The following NEDD4L variants were observed in gnomAD, a reference collection of about 807,000 sequenced individuals.
The protein encoded by NEDD4L is NEDD4 like E3 ubiquitin protein ligase.
Under a neutral mutation model 148.9 loss-of-function variants are expected in NEDD4L, and 54 were observed. The observed-to-expected ratio is 0.36, with a 90% CI of 0.29 to 0.45. The LOEUF (loss-of-function observed/expected upper bound fraction) is 0.45, where lower values mean the gene tolerates loss of function less well. Ranked by LOEUF, NEDD4L falls within the 20% of genes least tolerant of loss-of-function variation. The pLI, the probability that NEDD4L is intolerant of heterozygous loss-of-function variation, is 1.00. For missense variants in NEDD4L, 856 were observed against 1,233.8 expected (o/e 0.69, Z 4.59); for synonymous variants, 433 against 440.7 (o/e 0.98, Z 0.22).
chr18:58,322,289 G>T (rs1287980039), intron 6 of NEDD4L, 136 bp from the exon 7 acceptor site: 1 of 692,176 alleles, frequency 1.4e-6, no homozygotes, highest in African/African-American at 1.8e-5. Flanking sequence ...GGACTGTCAG[G>T]TACCAAGTGA....
chr18:58,250,248 C>T (rs1214893596), intron 4 of NEDD4L, among the ~76,000 whole-genome samples: 1 of 152,042 alleles, frequency 6.6e-6, no homozygotes, highest in Non-Finnish European at 1.5e-5. Context: ...CTCCCAGGTT[C>T]AAGTGATTCT....
At chr18:58,208,108 T>G (rs1429726927) in intron 2 of NEDD4L, among the ~76,000 whole-genome samples, 1 of 152,192 alleles carries the variant, frequency 6.6e-6, no homozygotes, top group African/African-American at 2.4e-5. Context: ...ATTAAATGGT[T>G]CCTACTACCA....
chr18:58,241,680 A>T (rs567494535), intron 2 of NEDD4L, among the ~76,000 whole-genome samples: 36 of 152,022 alleles, frequency 2.4e-4, no homozygotes, highest in African/African-American at 8.5e-4. Flanking sequence ...TGTCACAATC[A>T]TGTTTTCATT....
intron 12 of NEDD4L, among the ~76,000 whole-genome samples, chr18:58,334,373 T>C (rs1390249304): frequency 2.0e-5 from 3 of 152,206 alleles, no homozygotes; most frequent in Admixed American, 6.5e-5. Context: ...CACCAGGAAT[T>C]GGCTATAATT....
intron 2 of NEDD4L, among the ~76,000 whole-genome samples, chr18:58,236,511 G>A (rs950157219): frequency 6.6e-6 from 1 of 152,152 alleles, no homozygotes; most frequent in Non-Finnish European, 1.5e-5. Flanking sequence ...ATCTTGTCTT[G>A]GAATTTTTTT....
chr18:58,158,613 T>C lies in NEDD4L; in HGVS notation c.49-7175T>C, dbSNP rs1309695040. ...GGTTGCACAGAATCCCACAGTCTTTTCAGAAACTCATATCCTTAGGGTGTC... is the reference window on the plus strand; with the variant it reads ...GGTTGCACAGAATCCCACAGTCTTTCCAGAAACTCATATCCTTAGGGTGTC... On this transcript the variant is annotated intron_variant, in intron 1 of 30. Transcript: ENST00000400345. Among the ~76,000 whole-genome samples the C allele has an allele frequency of 2.6e-5, 4 of 152,188 alleles. No individual in the cohort carries two copies. In the East Asian group the frequency reaches 7.7e-4, roughly 29 times the overall value.
chr18:58,274,108 G>A (rs1019296999), intron 5 of NEDD4L, among the ~76,000 whole-genome samples: 2 of 151,244 alleles, frequency 1.3e-5, no homozygotes, highest in African/African-American at 4.9e-5. Context: ...CCTGAAGTGA[G>A]CCACGTAGAG....
In NEDD4L at chr18:58,357,125, A is replaced by G. The variant is rs1277464952; in HGVS notation, c.1709-69A>G. 4.2e-6 allele frequency: 6 copies of G among 1,412,116 alleles called. No individual in the cohort carries two copies. The East Asian group carries it at 1.5e-4, about 35-fold the overall frequency. The allele number at this position is 1,412,116 out of a possible 1,614,324, so 87.5% of individuals were successfully genotyped here. A position where few individuals can be genotyped will look rare whatever the true frequency, so the allele number is the denominator to read the frequency against. On this transcript the variant is annotated intron_variant, in intron 18 of 30. Transcript: ENST00000400345. The stretch of plus-strand genomic sequence containing the variant: ...AGAATCCAGAAATACTTCCTTCCAA[A>G]ACTTTCTTTACATAGAATAGATTTG...
intron 23 of NEDD4L, 58 bp from the exon 24 acceptor site, chr18:58,373,116 A>G: frequency 1.1e-6 from 1 of 889,186 alleles, no homozygotes; most frequent in Non-Finnish European, 1.8e-6. Context: ...AAAGAAGTCA[A>G]ATGAGTTTGT....
chr18:58,327,299 C>T (rs1235516366), intron 9 of NEDD4L, among the ~76,000 whole-genome samples: 1 of 152,184 alleles, frequency 6.6e-6, no homozygotes, highest in Non-Finnish European at 1.5e-5. Flanking sequence ...GTTTCACTGG[C>T]TTGGTCAAGC....
At chr18:58,175,906 G>A (rs190759523) in intron 2 of NEDD4L, among the ~76,000 whole-genome samples, 97 of 152,276 alleles carry the variant, frequency 6.4e-4, no homozygotes, top group African/African-American at 2.2e-3. Flanking sequence ...CCACCCAGCC[G>A]ACCAGGTTTC....
intron 5 of NEDD4L, among the ~76,000 whole-genome samples, chr18:58,285,200 A>G (rs919550284): frequency 2.6e-5 from 4 of 152,176 alleles, no homozygotes; most frequent in Non-Finnish European, 4.4e-5. Flanking sequence ...GTGTGTGCGC[A>G]GAACCCACAT....
At chr18:58,268,250 G>A (rs2148769792) in intron 5 of NEDD4L, among the ~76,000 whole-genome samples, 1 of 152,108 alleles carries the variant, frequency 6.6e-6, no homozygotes, top group African/African-American at 2.4e-5. Flanking sequence ...GAGAAGAGGA[G>A]GCCTGGCTAG....
chr18:58,072,894 A>G (rs908649536), intron 1 of NEDD4L, among the ~76,000 whole-genome samples: 1 of 149,334 alleles, frequency 6.7e-6, no homozygotes, highest in Non-Finnish European at 1.5e-5. Flanking sequence ...ACACACACAC[A>G]CACACACACA....
intron 2 of NEDD4L, among the ~76,000 whole-genome samples, chr18:58,222,919 A>G (rs2043926645): frequency 6.6e-6 from 1 of 152,254 alleles, no homozygotes; most frequent in Non-Finnish European, 1.5e-5. Context: ...AAGGAAGCAA[A>G]TAACTCTATA....
rs563042826 is a variant in NEDD4L at position 58,177,316 on chromosome 18, G to T, written c.122+11455G>T. Among the ~76,000 whole-genome samples the T allele has an allele frequency of 1.4e-3, 206 of 152,246 alleles. 1 individual carries two copies. The highest frequency in any genetic ancestry group is 4.6e-3 in the African/African-American group (192 of 41,538). ...GAAGCTCAAGTATGAGGAAGGGAAG[G>T]TTGCCAACTTGAGATGAGTCAGAAA... On this transcript the variant is annotated intron_variant, in intron 2 of 30. Coordinates refer to ENST00000400345, the MANE Select transcript of NEDD4L (RefSeq NM_001144967.3).
In NEDD4L at chr18:58,400,964, A is replaced by G. The variant is rs1199163501; in HGVS notation, c.*4695A>G. 2.0e-5 allele frequency: 3 copies of G among 152,248 alleles called. No homozygotes were observed. Among genetic ancestry groups the G allele is most frequent in the Non-Finnish European group, 1.5e-5 (1 of 68,024 alleles). The allele number at this position is 152,248 out of a possible 1,614,324, so 9.4% of individuals were successfully genotyped here. A position where few individuals can be genotyped will look rare whatever the true frequency, so the allele number is the denominator to read the frequency against. On this transcript the variant is annotated 3_prime_UTR_variant, in exon 31 of 31. Coordinates refer to ENST00000400345, the MANE Select transcript of NEDD4L (RefSeq NM_001144967.3). ...GTATATATTTGTATAGCATTTTTAC[A>G]CCTTTATTGAGTAATCTGGTTTCGA... is the stretch of plus-strand genomic sequence containing the variant.
chr18:58,116,592 C>T (rs1250651697), intron 1 of NEDD4L, among the ~76,000 whole-genome samples: 1 of 152,196 alleles, frequency 6.6e-6, no homozygotes, highest in Non-Finnish European at 1.5e-5. Context: ...GCTCAAGGGA[C>T]TCAAGGGGGT....
chr18:58,195,610 C>G lies in NEDD4L; in HGVS notation c.122+29749C>G, dbSNP rs764780224. On this transcript the variant is annotated intron_variant, in intron 2 of 30. Coordinates refer to ENST00000400345, the MANE Select transcript of NEDD4L (RefSeq NM_001144967.3). Reference sequence around the variant, plus strand: ...AGGCTGTTGGTTACCTGGCCGGGAGCTGGCGGAGACCAGGATTTCTCCTCG... The same window carrying G: ...AGGCTGTTGGTTACCTGGCCGGGAGGTGGCGGAGACCAGGATTTCTCCTCG... The G allele has an allele frequency of 1.2e-5, 16 of 1,346,038 alleles. No individual in the cohort carries two copies. In the African/African-American group the frequency reaches 2.2e-4, roughly 19 times the overall value. 83.4% of individuals were successfully genotyped at this position (1,346,038 alleles called of 1,614,324 possible). A position where few individuals can be genotyped will look rare whatever the true frequency, so the allele number is the denominator to read the frequency against.
Sources: allele counts gnomAD v4.1 joint callset (sites outside exome capture counted in the v4.1 genomes callset), GRCh38; gene constraint gnomAD v4.1.1; transcripts MANE v1.5; gene names NCBI Gene and HGNC (gene_info 2026-07-23, HGNC 2026-07-21).